Variants in MECOM observed in about 807,000 individuals in gnomAD.
The protein encoded by MECOM is histone-lysine N-methyltransferase MECOM.
Under a neutral mutation model 116.3 loss-of-function variants are expected in MECOM, and 13 were observed. That is an observed-to-expected ratio of 0.11 (90% CI 0.07 to 0.18). The LOEUF (loss-of-function observed/expected upper bound fraction) is 0.18. Among genes scored for constraint, MECOM ranks in the 10% least tolerant of loss-of-function variants. MECOM has a pLI of 1.00. For missense variants in MECOM, 1,299 were observed against 1,509.0 expected (o/e 0.86, Z 2.31); for synonymous variants, 528 against 535.2 (o/e 0.99, Z 0.19).
chr3:169,628,862 C>T (rs1318202863), intron 1 of MECOM, among the ~76,000 whole-genome samples: 1 of 152,096 alleles, frequency 6.6e-6, no homozygotes, highest in African/African-American at 2.4e-5. Flanking sequence ...ATTAGAAAGT[C>T]AGCTATTGGG....
chr3:169,519,251 T>C (rs908804590), intron 1 of MECOM, among the ~76,000 whole-genome samples: 8 of 152,220 alleles, frequency 5.3e-5, no homozygotes, highest in Admixed American at 2.6e-4. Context: ...TATTGGACTT[T>C]GAGTAAATCT....
intron 1 of MECOM, among the ~76,000 whole-genome samples, chr3:169,519,591 A>G (rs998403254): frequency 2.0e-5 from 3 of 152,210 alleles, no homozygotes; most frequent in Non-Finnish European, 4.4e-5. Flanking sequence ...GCTCTTGGCA[A>G]AGACTTTGCT....
chr3:169,131,638 A>T, intron 3 of MECOM, 107 bp from the exon 4 acceptor site: 1 of 801,928 alleles, frequency 1.2e-6, no homozygotes, highest in Non-Finnish European at 1.9e-6. Context: ...ACCTTAACAA[A>T]CATCTTTTTC....
chr3:169,506,534 T>C (rs1209718551), intron 1 of MECOM, among the ~76,000 whole-genome samples: 4 of 152,190 alleles, frequency 2.6e-5, no homozygotes, highest in Admixed American at 1.3e-4. Flanking sequence ...TTACTGTTCA[T>C]ATTTCATGCA....
At chr3:169,631,557 C>G (rs924171198) in intron 1 of MECOM, among the ~76,000 whole-genome samples, 6 of 151,012 alleles carry the variant, frequency 4.0e-5, no homozygotes, top group African/African-American at 1.5e-4. Flanking sequence ...GTGTGCTGCA[C>G]CCATTAACTC....
chr3:169,262,053 G>A (rs558989404), intron 2 of MECOM, among the ~76,000 whole-genome samples: 102 of 152,234 alleles, frequency 6.7e-4, no homozygotes, highest in African/African-American at 2.3e-3. Context: ...CCTGTGCCAC[G>A]CCCCAATCTA....
At chr3:169,144,531 T>C (rs1435879107) in intron 2 of MECOM, among the ~76,000 whole-genome samples, 1 of 152,162 alleles carries the variant, frequency 6.6e-6, no homozygotes, top group African/African-American at 2.4e-5. Flanking sequence ...AATACTGTAA[T>C]GAACTGCCAT....
intron 1 of MECOM, among the ~76,000 whole-genome samples, chr3:169,501,689 T>C (rs1754558229): frequency 6.6e-6 from 1 of 152,098 alleles, no homozygotes; most frequent in Non-Finnish European, 1.5e-5. Flanking sequence ...TTTACCAACT[T>C]CCTTTGCTTA....
chr3:169,128,433 T>C (rs1410223311), intron 4 of MECOM, among the ~76,000 whole-genome samples: 2 of 152,222 alleles, frequency 1.3e-5, no homozygotes, highest in Non-Finnish European at 2.9e-5. Context: ...GTCAGATTTT[T>C]ATCCTGGTTT....
intron 1 of MECOM, among the ~76,000 whole-genome samples, chr3:169,439,122 AT>A (rs1743190555): frequency 2.0e-5 from 3 of 147,688 alleles, no homozygotes; most frequent in Admixed American, 6.8e-5. Context: ...TATTATTAAT[AT>A]TATTTAATAT....
At chr3:169,382,996 C>T (rs1732735889) in intron 1 of MECOM, among the ~76,000 whole-genome samples, 1 of 151,360 alleles carries the variant, frequency 6.6e-6, no homozygotes, top group Non-Finnish European at 1.5e-5. Flanking sequence ...GCTGATTAAA[C>T]TAGGTGACTT....
intron 1 of MECOM, among the ~76,000 whole-genome samples, chr3:169,390,568 CT>C (rs1422500489): frequency 3.3e-5 from 5 of 151,968 alleles, no homozygotes; most frequent in Non-Finnish European, 7.4e-5. Flanking sequence ...GATTTACTTC[CT>C]TTAAAAAAAA....
At chr3:169,508,000 T>C (rs1468801140) in intron 1 of MECOM, among the ~76,000 whole-genome samples, 1 of 152,142 alleles carries the variant, frequency 6.6e-6, no homozygotes, top group Non-Finnish European at 1.5e-5. Flanking sequence ...GAGATACTTG[T>C]TTAGCCTCTT....
intron 2 of MECOM, among the ~76,000 whole-genome samples, chr3:169,340,454 T>C (rs1197838623): frequency 6.6e-6 from 1 of 152,176 alleles, no homozygotes; most frequent in African/African-American, 2.4e-5. Context: ...TCAAGTTAGA[T>C]AGGATTATTT....
intron 1 of MECOM, among the ~76,000 whole-genome samples, chr3:169,444,607 C>G (rs964798721): frequency 1.3e-5 from 2 of 152,078 alleles, no homozygotes; most frequent in Admixed American, 1.3e-4. Flanking sequence ...TTTTTTCTTC[C>G]CAGTCTCGGG....
chr3:169,114,199 C>CT (rs1728368646), intron 8 of MECOM, among the ~76,000 whole-genome samples: 1 of 152,038 alleles, frequency 6.6e-6, no homozygotes, highest in Non-Finnish European at 1.5e-5. Context: ...ACATGTTTTT[C>CT]TTTTTTTTCC....
At chr3:169,514,815 C>T (rs1166005964) in intron 1 of MECOM, among the ~76,000 whole-genome samples, 8 of 152,266 alleles carry the variant, frequency 5.3e-5, no homozygotes, top group Non-Finnish European at 8.8e-5. Flanking sequence ...CTATGTGTCA[C>T]GCTTTAAAAC....
intron 8 of MECOM, among the ~76,000 whole-genome samples, chr3:169,113,968 A>G (rs1314178017): frequency 2.0e-5 from 3 of 152,144 alleles, no homozygotes; most frequent in Admixed American, 6.6e-5. Flanking sequence ...GACAAGCACC[A>G]GAGAGATGTT....
intron 1 of MECOM, among the ~76,000 whole-genome samples, chr3:169,662,193 C>T (rs923914825): frequency 1.3e-5 from 2 of 152,256 alleles, no homozygotes; most frequent in African/African-American, 4.8e-5. Context: ...TCCCCAAACC[C>T]CTTAGCCCAC....
Sources: allele counts gnomAD v4.1 joint callset (sites outside exome capture counted in the v4.1 genomes callset), GRCh38; gene constraint gnomAD v4.1.1; transcripts MANE v1.5; gene names NCBI Gene and HGNC (gene_info 2026-07-23, HGNC 2026-07-21).